MYH16: variants seen among roughly 807,000 people sequenced by gnomAD.
MYH16 encodes putative uncharacterized protein MYH16.
At chr7:99,294,279 G>A in intron 33 of MYH16, 129 bp downstream of exon 14, 2 of 336,014 alleles carry the variant, frequency 6.0e-6, no homozygotes, top group South Asian at 4.5e-5. Context: ...TGCAATGCAG[G>A]GGTGCCTTCA....
Position 99,241,540 on chromosome 7 carries a change from G to A in MYH16, n.211-1738G>A, listed in dbSNP as rs552533589. Among the ~76,000 whole-genome samples, 17 of 152,224 alleles carry A rather than the reference G, an allele frequency of 1.1e-4. 1 individual carries two copies. In the South Asian group the frequency reaches 1.5e-3, roughly 13 times the overall value. On this transcript the variant is annotated intron_variant and non_coding_transcript_variant, in intron 1 of 41. Coordinates refer to ENST00000439784, the Ensembl canonical transcript of MYH16. ...GGAGGTTGCAGTGAGTTGAGATCAC[G>A]CCACTGCACTCCAGCATGAGTGACA... is the stretch of plus-strand genomic sequence containing the variant.
At chr7:99,300,345 C>A (rs1366792796) in intron 37 of MYH16, among the ~76,000 whole-genome samples, 1 of 152,102 alleles carries the variant, frequency 6.6e-6, no homozygotes, top group East Asian at 1.9e-4. Flanking sequence ...ACTCATATAC[C>A]CACTACTTGC....
downstream of MYH16, among the ~76,000 whole-genome samples, chr7:99,310,308 C>G (rs1440212967): frequency 6.6e-6 from 1 of 152,148 alleles, no homozygotes; most frequent in African/African-American, 2.4e-5. Flanking sequence ...CTACTGGGTG[C>G]AAGTATTCCA....
At chr7:99,293,957 T>G (rs1792431334) in intron 32 of MYH16, 61 bp from the exon 14 acceptor site, 1 of 398,266 alleles carries the variant, frequency 2.5e-6, no homozygotes, top group South Asian at 1.9e-5. Context: ...CCTGGCAGTG[T>G]GGAGATGGTG....
exon 41 of MYH16, chr7:99,305,864 G>C (rs550099744): frequency 6.5e-6 from 1 of 152,924 alleles, no homozygotes; most frequent in African/African-American, 2.4e-5. Context: ...GAGCTGGATG[G>C]GGAACAGAAA....
exon 21 of MYH16, chr7:99,277,703 G>A (rs774183355): frequency 1.1e-5 from 5 of 456,250 alleles, no homozygotes; most frequent in South Asian, 6.2e-5. Context: ...TCACCATCCA[G>A]CTGCAGGCTG....
At chr7:99,305,492 G>A (rs1584362327) in intron 40 of MYH16, 1 of 152,384 alleles carries the variant, frequency 6.6e-6, no homozygotes, top group African/African-American at 2.4e-5. Flanking sequence ...CCCAGATGAG[G>A]GAATTTGAGG....
At chr7:99,283,350 C>G (rs1251651444) in intron 23 of MYH16, among the ~76,000 whole-genome samples, 1 of 152,222 alleles carries the variant, frequency 6.6e-6, no homozygotes, top group Non-Finnish European at 1.5e-5. Context: ...ACCTCCCTGG[C>G]TCAAGCAATT....
chr7:99,301,413 G>A (rs1223914328), intron 37 of MYH16, among the ~76,000 whole-genome samples, 188 bp from the exon 19 acceptor site: 2 of 152,082 alleles, frequency 1.3e-5, no homozygotes, highest in African/African-American at 4.8e-5. Flanking sequence ...GGCCCTGCTG[G>A]GGCTCCACCA....
chr7:99,281,668 C>T (rs768802429), intron 23 of MYH16, among the ~76,000 whole-genome samples: 1 of 152,174 alleles, frequency 6.6e-6, no homozygotes, highest in Non-Finnish European at 1.5e-5. Context: ...GGAACTGTCC[C>T]GTGAGCTCAA....
intron 23 of MYH16, among the ~76,000 whole-genome samples, chr7:99,281,492 T>A (rs1792198184): frequency 6.6e-6 from 1 of 151,678 alleles, no homozygotes; most frequent in South Asian, 2.1e-4. Flanking sequence ...AGCCCAGGAG[T>A]TGCAGGTTGC....
In MYH16 at chr7:99,292,239, T is replaced by C. The variant is rs1414515572; in HGVS notation, n.3953-73T>C. 1.7e-5 allele frequency: 7 copies of C among 415,086 alleles called. No homozygotes were observed. In the East Asian group the frequency reaches 5.1e-4, roughly 30 times the overall value. 25.7% of individuals were successfully genotyped at this position (415,086 alleles called of 1,614,324 possible). A position where few individuals can be genotyped will look rare whatever the true frequency, so the allele number is the denominator to read the frequency against. The stretch of plus-strand genomic sequence containing the variant: ...CCTGCCATCACTGCTGCTCCAGTGT[T>C]ACGTGTATCTAAGTGGTGGCCCTGC... On this transcript the variant is annotated intron_variant and non_coding_transcript_variant, in intron 31 of 41. Transcript: ENST00000439784.
intron 26 of MYH16, 107 bp from the exon 9 acceptor site, chr7:99,285,275 G>A (rs1395232079): frequency 1.2e-5 from 5 of 429,996 alleles, no homozygotes; most frequent in Non-Finnish European, 2.3e-5. Context: ...GCTTTTGACA[G>A]TGGCTGTCAT....
chr7:99,254,099 AT>A (rs1364495596), intron 8 of MYH16: 6 of 152,228 alleles, frequency 3.9e-5, no homozygotes, highest in African/African-American at 1.2e-4. Context: ...ATACAAAAAA[AT>A]TAGCCAGGCA....
At chr7:99,291,642 A>G (rs1209309232) in intron 31 of MYH16, among the ~76,000 whole-genome samples, 192 bp downstream of exon 12, 5 of 15,314 alleles carry the variant, frequency 3.3e-4, no homozygotes, top group Non-Finnish European at 7.6e-4. Context: ...CCCCACCCCC[A>G]ACGCCATCTC....
chr7:99,245,085 C>T (rs905627409), intron 2 of MYH16, among the ~76,000 whole-genome samples: 4 of 152,150 alleles, frequency 2.6e-5, no homozygotes, highest in African/African-American at 9.7e-5. Context: ...AACTGGCTTC[C>T]AGGATGCTGT....
At chr7:99,295,177 G>C (rs1393940933) in intron 33 of MYH16, among the ~76,000 whole-genome samples, 2 of 151,992 alleles carry the variant, frequency 1.3e-5, no homozygotes, top group Non-Finnish European at 2.9e-5. Context: ...TCAGGAGTTC[G>C]ACACCAGCCT....
At chr7:99,244,541 G>T (rs866219517) in intron 2 of MYH16, among the ~76,000 whole-genome samples, 8 of 152,214 alleles carry the variant, frequency 5.3e-5, no homozygotes, top group African/African-American at 1.7e-4. Context: ...GTCAGGAGCT[G>T]CTGGGGGTTC....
rs879372248 is a variant in MYH16, at chr7:99,293,972, T to C, written n.4150-46T>C. The C allele has an allele frequency of 6.5e-5, 27 of 417,558 alleles. No homozygotes were observed. The Admixed American group carries it at 6.6e-4, about 10-fold the overall frequency. 25.9% of individuals were successfully genotyped at this position (417,558 alleles called of 1,614,324 possible). A position where few individuals can be genotyped will look rare whatever the true frequency, so the allele number is the denominator to read the frequency against. ...CCTGGCAGTGTGGAGATGGTGCCTG[T>C]AAGTGCCTATGTTTCCTTGACAGCC... On this transcript the variant is annotated intron_variant and non_coding_transcript_variant, in intron 32 of 41. Transcript: ENST00000439784.
Sources: gnomAD v4.1 joint callset for allele counts (sites outside exome capture counted in the v4.1 genomes callset) on GRCh38, gnomAD v4.1.1 for gene constraint, MANE v1.5 for transcripts, NCBI Gene and HGNC (gene_info 2026-07-23, HGNC 2026-07-21) for gene names.